KCNQ3: variants seen among roughly 807,000 people sequenced by gnomAD.
The protein encoded by KCNQ3 is potassium voltage-gated channel subfamily KQT member 3.
In KCNQ3, 30 loss-of-function variants were observed where a neutral mutation model predicts 92.5. That is an observed-to-expected ratio of 0.32 (90% CI 0.24 to 0.44). KCNQ3 has a LOEUF of 0.44. Ranked by LOEUF, KCNQ3 falls within the 20% of genes least tolerant of loss-of-function variation. The pLI is 1.00. For synonymous variants in KCNQ3, 450 were observed against 468.8 expected, an observed-to-expected ratio of 0.96 and a Z score of 0.52; for missense variants, 913 against 1,140.3, an observed-to-expected ratio of 0.80 and a Z score of 2.87.
intron 1 of KCNQ3, among the ~76,000 whole-genome samples, chr8:132,314,678 G>A (rs1817688852): frequency 6.6e-6 from 1 of 152,196 alleles, no homozygotes; most frequent in Non-Finnish European, 1.5e-5. Context: ...TTAGTTTATG[G>A]TGAAGGTAGC....
chr8:132,451,518 A>G (rs1344811719), intron 1 of KCNQ3, among the ~76,000 whole-genome samples: 1 of 152,182 alleles, frequency 6.6e-6, no homozygotes, highest in Non-Finnish European at 1.5e-5. Flanking sequence ...CACAGCTTGC[A>G]TTTTCCAGAA....
At chr8:132,366,084 G>T (rs1450440651) in intron 1 of KCNQ3, among the ~76,000 whole-genome samples, 1 of 152,144 alleles carries the variant, frequency 6.6e-6, no homozygotes, top group Non-Finnish European at 1.5e-5. Context: ...AGACAGAATT[G>T]ACACCTTTAT....
At chr8:132,339,958 T>C (rs1020523926) in intron 1 of KCNQ3, among the ~76,000 whole-genome samples, 1 of 128,912 alleles carries the variant, frequency 7.8e-6, no homozygotes, top group Non-Finnish European at 1.7e-5. Context: ...GCAACAAACA[T>C]AAAAAAAAAA....
intron 1 of KCNQ3, among the ~76,000 whole-genome samples, chr8:132,329,432 T>G (rs137920922): frequency 3.9e-4 from 59 of 152,344 alleles, no homozygotes; most frequent in African/African-American, 1.3e-3. Flanking sequence ...TCTGTATATA[T>G]AGCAAAACGT....
At chr8:132,168,137 G>T (rs533579107) in intron 8 of KCNQ3, among the ~76,000 whole-genome samples, 4 of 152,038 alleles carry the variant, frequency 2.6e-5, no homozygotes, top group African/African-American at 7.3e-5. Flanking sequence ...GGTCCCTTTT[G>T]CCTGTTCTCT....
intron 1 of KCNQ3, among the ~76,000 whole-genome samples, chr8:132,450,167 C>A (rs1228725067): frequency 2.6e-5 from 4 of 152,096 alleles, no homozygotes; most frequent in African/African-American, 9.7e-5. Flanking sequence ...GTGGCCACTG[C>A]TGGCTGGGGT....
Position 132,122,054 on chromosome 8 carries a change from A to G in KCNQ3, c.*7208T>C, listed in dbSNP as rs1172943583. ...TACTGTAAAGCTGAGTGAACGTAGA[A>G]GCCCGAAGCATTGTGGAGGAGCTAG... On this transcript the variant is annotated 3_prime_UTR_variant, in exon 15 of 15. Transcript: ENST00000388996. 6.6e-6 allele frequency: 1 copy of G among 152,222 alleles called. No individual in the cohort carries two copies. Among genetic ancestry groups the G allele is most frequent in the Non-Finnish European group, 1.5e-5 (1 of 68,036 alleles). The allele number at this position is 152,222 out of a possible 1,614,324, so 9.4% of individuals were successfully genotyped here. A position where few individuals can be genotyped will look rare whatever the true frequency, so the allele number is the denominator to read the frequency against.
At chr8:132,169,876 T>C (rs1442798066) in intron 8 of KCNQ3, among the ~76,000 whole-genome samples, 1 of 152,108 alleles carries the variant, frequency 6.6e-6, no homozygotes, top group African/African-American at 2.4e-5. Context: ...ATTTTTATTT[T>C]TAATTTTTTG....
intron 9 of KCNQ3, among the ~76,000 whole-genome samples, chr8:132,149,190 C>A (rs1825556139): frequency 1.3e-5 from 2 of 152,168 alleles, no homozygotes; most frequent in South Asian, 4.1e-4. Context: ...ATGCAGGAGG[C>A]AGATGAGGGG....
In KCNQ3 at chr8:132,127,849, G is replaced by C. The variant is rs550106117; in HGVS notation, c.*1413C>G. 3.3e-5 allele frequency: 5 copies of C among 152,298 alleles called. No homozygotes were observed. In the East Asian group the frequency reaches 9.6e-4, roughly 29 times the overall value. 9.4% of individuals were successfully genotyped at this position (152,298 alleles called of 1,614,324 possible). On this transcript the variant is annotated 3_prime_UTR_variant, in exon 15 of 15. Coordinates refer to ENST00000388996, the MANE Select transcript of KCNQ3 (RefSeq NM_004519.4). ...TGTACAGTAGGGCAGTGCTTCCCAG[G>C]CTGTCTGCTTACATTTTAGCTTGTC...
intron 1 of KCNQ3, among the ~76,000 whole-genome samples, chr8:132,466,230 G>A (rs1176875790): frequency 2.0e-5 from 3 of 151,290 alleles, no homozygotes; most frequent in African/African-American, 7.3e-5. Context: ...TTAATGAGGG[G>A]GAAAAAACAC....
At chr8:132,139,614 T>C (rs1825218395) in intron 11 of KCNQ3, among the ~76,000 whole-genome samples, 1 of 152,200 alleles carries the variant, frequency 6.6e-6, no homozygotes, top group African/African-American at 2.4e-5. Flanking sequence ...TGGATTATGG[T>C]CTCTGCTGAT....
At position 132,123,774 on chromosome 8, in the gene KCNQ3, G is replaced by A. The variant is rs1203314570; in HGVS notation, c.*5488C>T. 6.6e-6 allele frequency: 1 copy of A among 152,118 alleles called. No homozygotes were observed. Among genetic ancestry groups the A allele is most frequent in the African/African-American group, 2.4e-5 (1 of 41,400 alleles). The allele number at this position is 152,118 out of a possible 1,614,324, so 9.4% of individuals were successfully genotyped here. A position where few individuals can be genotyped will look rare whatever the true frequency, so the allele number is the denominator to read the frequency against. On this transcript the variant is annotated 3_prime_UTR_variant, in exon 15 of 15. Coordinates refer to ENST00000388996, the MANE Select transcript of KCNQ3 (RefSeq NM_004519.4). ...TGATCAAAATCTCTTCTTGCTCTGT[G>A]TATCTTAGAATCCATGAAATTATGT...
intron 1 of KCNQ3, among the ~76,000 whole-genome samples, chr8:132,362,171 A>T (rs2130724323): frequency 6.6e-6 from 1 of 152,156 alleles, no homozygotes; most frequent in Middle Eastern, 3.4e-3. Context: ...TCTATTATTT[A>T]TTTTACAATA....
chr8:132,252,870 G>A (rs1815461905), intron 1 of KCNQ3, among the ~76,000 whole-genome samples: 3 of 152,130 alleles, frequency 2.0e-5, no homozygotes, highest in Non-Finnish European at 1.5e-5. Context: ...CAGGCCTAGT[G>A]TTCTTCTATC....
intron 9 of KCNQ3, among the ~76,000 whole-genome samples, chr8:132,153,483 G>T (rs1214986490): frequency 6.6e-6 from 1 of 152,088 alleles, no homozygotes; most frequent in African/African-American, 2.4e-5. Context: ...CAAGCTTTGG[G>T]TCAAAGCCCT....
intron 1 of KCNQ3, among the ~76,000 whole-genome samples, chr8:132,363,066 CA>C (rs1428782040): frequency 3.9e-4 from 59 of 152,240 alleles, no homozygotes; most frequent in Non-Finnish European, 4.4e-5. Flanking sequence ...GCCAACAAGA[CA>C]GACAAAGTCA....
At chr8:132,270,964 T>C (rs1468486972) in intron 1 of KCNQ3, among the ~76,000 whole-genome samples, 2 of 152,222 alleles carry the variant, frequency 1.3e-5, no homozygotes, top group African/African-American at 4.8e-5. Flanking sequence ...TCCAGTCAAT[T>C]GTGTTACAGC....
intron 1 of KCNQ3, among the ~76,000 whole-genome samples, chr8:132,319,713 G>C (rs990889212): frequency 6.6e-6 from 1 of 152,170 alleles, no homozygotes; most frequent in Admixed American, 6.5e-5. Context: ...ATGCTCCCCC[G>C]CCCATCTATA....
Sources: allele counts gnomAD v4.1 joint callset (sites outside exome capture counted in the v4.1 genomes callset), GRCh38; gene constraint gnomAD v4.1.1; transcripts MANE v1.5; gene names NCBI Gene and HGNC (gene_info 2026-07-23, HGNC 2026-07-21).